The following MVK variants were observed in gnomAD, a reference collection of about 807,000 sequenced individuals.
MVK encodes the protein LH receptor mRNA-binding protein.
Under a neutral mutation model 43.2 loss-of-function variants are expected in MVK, and 34 were observed. That is an observed-to-expected ratio of 0.79 (90% CI 0.60 to 1.05). MVK has a LOEUF of 1.05. Among genes scored for constraint, MVK ranks in the 50% least tolerant of loss-of-function variants. The pLI is 0.00. For synonymous variants in MVK, 190 were observed against 219.8 expected, an observed-to-expected ratio of 0.86 and a Z score of 1.20; for missense variants, 395 against 504.0, an observed-to-expected ratio of 0.78 and a Z score of 2.07.
Position 109,581,543 on chromosome 12 carries a change from G to C in MVK, c.520G>C (p.Val174Leu). The C allele has an allele frequency of 1.9e-6, 3 of 1,614,202 alleles. No homozygotes were observed. The highest frequency in any genetic ancestry group is 2.5e-6 in the Non-Finnish European group (3 of 1,180,018). Residue 174 changes from valine to leucine, a missense_variant, in exon 5 of 11, where the codon GTC (valine) becomes CTC (leucine). Coordinates refer to ENST00000228510, the MANE Select transcript of MVK (RefSeq NM_000431.4). ...AAACCCGCTGAAGGACGGGGATTGC[G>C]TCAACAGGTAACCATGGTCCTTACC... The part of the protein sequence containing the change: ...IPNPLKDGDC[V>L]NRWTKEDLEL...
At chr12:109,578,956 A>T (rs1344501188) in intron 3 of MVK, among the ~76,000 whole-genome samples, 6 of 152,140 alleles carry the variant, frequency 3.9e-5, no homozygotes, top group Non-Finnish European at 8.8e-5. Context: ...ACCGCCTCGC[A>T]TTTACACTGT....
chr12:109,585,542 T>C (rs1476815229), intron 5 of MVK, among the ~76,000 whole-genome samples: 1 of 152,126 alleles, frequency 6.6e-6, no homozygotes, highest in African/African-American at 2.4e-5. Flanking sequence ...ATCCCAGCAC[T>C]TTGGGAGGCC....
intron 4 of MVK, 145 bp from the exon 5 acceptor site, chr12:109,581,250 G>A (rs1015560894): frequency 1.4e-5 from 14 of 971,752 alleles, no homozygotes; most frequent in Admixed American, 3.5e-5. Flanking sequence ...TGTTCAATAG[G>A]GATACATTTG....
intron 3 of MVK, chr12:109,579,305 A>C: frequency 2.6e-6 from 1 of 380,596 alleles, no homozygotes; most frequent in Non-Finnish European, 5.2e-6. Context: ...ATGCCTGGCT[A>C]GTTTTTGTAC....
chr12:109,594,175 G>A (rs977801416), intron 9 of MVK, among the ~76,000 whole-genome samples: 1 of 152,150 alleles, frequency 6.6e-6, no homozygotes, highest in African/African-American at 2.4e-5. Flanking sequence ...TGATGGCTGG[G>A]ACCGTGGCTG....
chr12:109,582,624 C>T lies in MVK; in HGVS notation c.527+1074C>T, dbSNP rs1456300056. Among the ~76,000 whole-genome samples the T allele has an allele frequency of 6.9e-5, 10 of 145,526 alleles. No individual in the cohort carries two copies. The East Asian group carries it at 2.0e-3, about 29-fold the overall frequency. On this transcript the variant is annotated intron_variant, in intron 5 of 10. Coordinates refer to ENST00000228510, the MANE Select transcript of MVK (RefSeq NM_000431.4). Reference sequence around the variant, plus strand: ...GACCTCCCACCCCACCCCACCCCACCACACCCCACCCATCATGTGTTTCTG... The same window carrying T: ...GACCTCCCACCCCACCCCACCCCACTACACCCCACCCATCATGTGTTTCTG...
rs149451803 is a variant in MVK at position 109,578,948 on chromosome 12, C to T, written c.227-854C>T. Among the ~76,000 whole-genome samples the T allele has an allele frequency of 2.0e-3, 305 of 152,284 alleles. 1 individual carries two copies. The highest frequency in any genetic ancestry group is 7.1e-3 in the African/African-American group (296 of 41,554). ...TCACCTTCCCCTTCTGCCCAGGCAC[C>T]GCCTCGCATTTACACTGTCCTATTC... On this transcript the variant is annotated intron_variant, in intron 3 of 10. Coordinates refer to ENST00000228510, the MANE Select transcript of MVK (RefSeq NM_000431.4).
Position 109,591,227 on chromosome 12 carries a change from CT to C in MVK, c.769-7del. On this transcript the variant is annotated splice_polypyrimidine_tract_variant and intron_variant, in intron 8 of 10. Coordinates refer to ENST00000228510, the MANE Select transcript of MVK (RefSeq NM_000431.4). ...CCCCAGGCCTCACCAGCCGTTCCTT[CT>C]TTTTTTCTCCAGTTCCCAGAGATCG... 1.2e-6 allele frequency: 2 copies of C among 1,613,192 alleles called. No homozygotes were observed. Among genetic ancestry groups the C allele is most frequent in the Non-Finnish European group, 1.7e-6 (2 of 1,179,154 alleles).
chr12:109,593,331 A>T (rs865831134), intron 9 of MVK, among the ~76,000 whole-genome samples: 4 of 152,144 alleles, frequency 2.6e-5, no homozygotes, highest in Middle Eastern at 3.2e-3. Context: ...GGGGAGGGCC[A>T]CTCCAACCCT....
chr12:109,573,887 G>A lies in MVK; in HGVS notation c.-15+14G>A, dbSNP rs1401199966. On this transcript the variant is annotated intron_variant, in intron 1 of 10. Coordinates refer to ENST00000228510, the MANE Select transcript of MVK (RefSeq NM_000431.4). ...CGGCGGCGGCAGGTGAGAGGCCGGG[G>A]TCGGGCGGCCGGGCGGCGCGAGGTC... 4 of 196,146 alleles carry A rather than the reference G, an allele frequency of 2.0e-5. No individual in the cohort carries two copies. The highest frequency in any genetic ancestry group is 3.0e-5 in the Non-Finnish European group (3 of 99,050). The allele number at this position is 196,146 out of a possible 1,614,324, so 12.2% of individuals were successfully genotyped here.
rs530884983 is a variant in MVK at position 109,596,428 on chromosome 12, C to G, written c.1042C>G (p.Leu348Val). 6.2e-7 allele frequency: 1 copy of G among 1,613,296 alleles called. No homozygotes were observed. The highest frequency in any genetic ancestry group is 1.7e-5 in the Admixed American group (1 of 60,024). The change falls in exon 11 of 11, where the codon CTG becomes GTG. Residue 348 changes from leucine to valine, a missense_variant and splice_region_variant. Leu to Val is a conservative substitution (Grantham distance 32). Coordinates refer to ENST00000228510, the MANE Select transcript of MVK (RefSeq NM_000431.4). The part of the protein sequence containing the change: ...GCGITLLKPG[L>V]EQPEVEATKQ... ...TGACCTGCCTTCCCTCCCCGCAGGG[C>G]TGGAGCAGCCAGAAGTGGAGGCCAC...
chr12:109,573,438 G>C, upstream of MVK: 2 of 1,606,932 alleles, frequency 1.2e-6, no homozygotes, highest in Non-Finnish European at 1.7e-6. Context: ...AGGCCAAGAC[G>C]GCTCCCCAGG....
rs575338001 is a variant in MVK, at chr12:109,579,544, T to C, written c.227-258T>C. Among the ~76,000 whole-genome samples the C allele has an allele frequency of 2.0e-5, 3 of 152,302 alleles. No individual in the cohort carries two copies. In the South Asian group the frequency reaches 6.2e-4, roughly 32 times the overall value. On this transcript the variant is annotated intron_variant, in intron 3 of 10. Transcript: ENST00000228510. The stretch of plus-strand genomic sequence containing the variant: ...TCCTGACAACCGTAAGAAGAGGCAC[T>C]GTTGTTATCCCTGTTTTACCAAGGT...
rs1885131607 is a variant in MVK, at chr12:109,579,829, C to T, written c.254C>T (p.Ser85Leu). The T allele has an allele frequency of 4.3e-6, 7 of 1,614,254 alleles. No homozygotes were observed. Among genetic ancestry groups the T allele is most frequent in the South Asian group, 1.1e-5 (1 of 91,090 alleles). ...CAAGGTGATGTCACAACACCCACCTCAGAGCAAGTGGAGAAGCTAAAGGAG... is the reference window on the plus strand; with the variant it reads ...CAAGGTGATGTCACAACACCCACCTTAGAGCAAGTGGAGAAGCTAAAGGAG... The part of the protein sequence containing the change: ...LEQGDVTTPT[S>L]EQVEKLKEVA... The change falls in exon 4 of 11, where the codon TCA becomes TTA. Residue 85 changes from serine (S) to leucine (L), a missense_variant. Coordinates refer to ENST00000228510, the MANE Select transcript of MVK (RefSeq NM_000431.4).
intron 7 of MVK, 54 bp downstream of exon 7, chr12:109,586,853 G>C (rs1237373043): frequency 1.3e-5 from 20 of 1,596,872 alleles, no homozygotes; most frequent in Non-Finnish European, 1.5e-5. Flanking sequence ...ATGTGTGCAG[G>C]GGGCAGAGCT....
intron 4 of MVK, 22 bp from the exon 5 acceptor site, chr12:109,581,373 T>G (rs769506953): frequency 2.5e-6 from 4 of 1,613,120 alleles, no homozygotes; most frequent in Non-Finnish European, 3.4e-6. Flanking sequence ...AGAGTCACGT[T>G]TCACACCCTG....
In MVK at chr12:109,586,812, T is replaced by G. The variant is rs1885455584; in HGVS notation, c.677+13T>G. 2 of 1,613,646 alleles carry G rather than the reference T, an allele frequency of 1.2e-6. No individual in the cohort carries two copies. Among genetic ancestry groups the G allele is most frequent in the Non-Finnish European group, 8.5e-7 (1 of 1,179,922 alleles). ...CATCCTTAAAGAGGTAACCTGGGGGTGGAGCAGCACATTCAGCCATGGCTG... is the reference window on the plus strand; with the variant it reads ...CATCCTTAAAGAGGTAACCTGGGGGGGGAGCAGCACATTCAGCCATGGCTG... On this transcript the variant is annotated intron_variant, in intron 7 of 10. Coordinates refer to ENST00000228510, the MANE Select transcript of MVK (RefSeq NM_000431.4).
At chr12:109,575,521 T>C (rs1261400822) in intron 2 of MVK, among the ~76,000 whole-genome samples, 2 of 152,024 alleles carry the variant, frequency 1.3e-5, no homozygotes, top group Non-Finnish European at 2.9e-5. Context: ...CCCAAGTAGC[T>C]GGGACCACAG....
chr12:109,575,051 G>C, intron 2 of MVK, 151 bp downstream of exon 2: 1 of 767,624 alleles, frequency 1.3e-6, no homozygotes, highest in Non-Finnish European at 2.2e-6. Flanking sequence ...GATTTCTTAT[G>C]CCCACTGAAG....
Sources: gnomAD v4.1 joint callset for allele counts (sites outside exome capture counted in the v4.1 genomes callset) on GRCh38, gnomAD v4.1.1 for gene constraint, MANE v1.5 for transcripts, NCBI Gene and HGNC (gene_info 2026-07-23, HGNC 2026-07-21) for gene names.